COL4A6: variants seen among roughly 807,000 people sequenced by gnomAD.
COL4A6 encodes the protein collagen type IV alpha 6 chain, also known as collagen alpha-6(IV) chain.
A neutral mutation model predicts 126.7 loss-of-function variants in COL4A6; 59 were observed. That is an observed-to-expected ratio of 0.47 (90% CI 0.38 to 0.58). The LOEUF is 0.58. Ranked by LOEUF, COL4A6 falls within the 20% of genes least tolerant of loss-of-function variation. The probability of loss-of-function intolerance (pLI) is 0.00; values close to 1 mark genes in which losing one functional copy is unlikely to be tolerated. For missense variants in COL4A6, 1,285 were observed against 1,337.3 expected (o/e 0.96, Z 0.61); for synonymous variants, 547 against 496.6 (o/e 1.10, Z -1.35).
At chrX:108,205,192 C>T (rs1052161240) in intron 11 of COL4A6, among the ~76,000 whole-genome samples, 1 of 111,208 alleles carries the variant, frequency 9.0e-6, no homozygotes, top group Admixed American at 9.5e-5. Context: ...GTAAGACATA[C>T]ACCTTTCACA....
chrX:108,365,421 G>T (rs2040177863), intron 2 of COL4A6, among the ~76,000 whole-genome samples: 1 of 111,009 alleles, frequency 9.0e-6, no homozygotes. Context: ...GTCCCTTTAG[G>T]GTAGGCACTA....
At chrX:108,237,689 A>G (rs183252295) in intron 3 of COL4A6, among the ~76,000 whole-genome samples, 5 of 111,890 alleles carry the variant, frequency 4.5e-5, no homozygotes, top group Admixed American at 2.8e-4. Context: ...ATAAAATGTC[A>G]TCATTAGTCC....
At chrX:108,402,993 A>AT (rs1186824975) in intron 2 of COL4A6, among the ~76,000 whole-genome samples, 1 of 111,524 alleles carries the variant, frequency 9.0e-6, no homozygotes, top group Non-Finnish European at 1.9e-5. Context: ...ATCTTTGCTA[A>AT]TTTTTTATCT....
chrX:108,278,890 C>G (rs1456699909), intron 3 of COL4A6, among the ~76,000 whole-genome samples: 1 of 111,051 alleles, frequency 9.0e-6, no homozygotes, highest in African/African-American at 3.3e-5. Flanking sequence ...TCCAGCCAAA[C>G]TAAGCTTCAT....
intron 24 of COL4A6, 98 bp from the exon 25 acceptor site, chrX:108,180,720 T>A: frequency 1.3e-6 from 1 of 784,809 alleles, no homozygotes; most frequent in African/African-American, 2.1e-5. Context: ...TTGGAGAGCC[T>A]CTCCTTGTCT....
chrX:108,349,827 A>G (rs2039798102), intron 2 of COL4A6, among the ~76,000 whole-genome samples: 1 of 111,927 alleles, frequency 8.9e-6, no homozygotes, highest in Non-Finnish European at 1.9e-5. Flanking sequence ...AGATAATAGA[A>G]GGGATATGGG....
intron 2 of COL4A6, among the ~76,000 whole-genome samples, chrX:108,378,723 G>A (rs1282970103): frequency 1.8e-5 from 2 of 113,011 alleles, no homozygotes; most frequent in Non-Finnish European, 3.7e-5. Flanking sequence ...AGATGTAAAG[G>A]ATTCCATGGA....
intron 37 of COL4A6, among the ~76,000 whole-genome samples, chrX:108,166,150 C>A (rs1301153106): frequency 8.9e-6 from 1 of 112,706 alleles, no homozygotes; most frequent in African/African-American, 3.2e-5. Flanking sequence ...CCACTTATTA[C>A]AATAGATACA....
At chrX:108,273,964 T>C (rs1484460873) in intron 3 of COL4A6, among the ~76,000 whole-genome samples, 1 of 112,457 alleles carries the variant, frequency 8.9e-6, no homozygotes, top group Non-Finnish European at 1.9e-5. Context: ...TAGTTTTCTA[T>C]GGCTGTGTAA....
At chrX:108,307,660 A>G (rs972212290) in intron 3 of COL4A6, among the ~76,000 whole-genome samples, 1 of 112,100 alleles carries the variant, frequency 8.9e-6, no homozygotes, top group African/African-American at 3.2e-5. Flanking sequence ...GGGTGACCCA[A>G]TGTTCCGTTG....
At chrX:108,338,776 T>C (rs987242551) in intron 2 of COL4A6, among the ~76,000 whole-genome samples, 2 of 112,302 alleles carry the variant, frequency 1.8e-5, no homozygotes, top group Admixed American at 1.9e-4. Context: ...GAATTGGTTA[T>C]ACCTTTGTAA....
At chrX:108,215,740 C>G (rs55964465) in intron 5 of COL4A6, among the ~76,000 whole-genome samples, 4,474 of 111,259 alleles carry the variant, frequency 0.04, 192 homozygotes, top group African/African-American at 0.12. Flanking sequence ...TTTCATGGTT[C>G]CAGATCTCAG....
At chrX:108,203,505 A>G (rs1293646451) in intron 12 of COL4A6, among the ~76,000 whole-genome samples, 1 of 112,447 alleles carries the variant, frequency 8.9e-6, no homozygotes, top group Non-Finnish European at 1.9e-5. Context: ...GACCATTCCC[A>G]AATCAACGAC....
At chrX:108,361,748 C>T (rs1603162495) in intron 2 of COL4A6, among the ~76,000 whole-genome samples, 1 of 111,897 alleles carries the variant, frequency 8.9e-6, no homozygotes, top group East Asian at 2.8e-4. Context: ...ATCACCACAG[C>T]TTCTGAGGCC....
intron 23 of COL4A6, 63 bp downstream of exon 23, chrX:108,187,033 G>T: frequency 1.0e-6 from 1 of 960,681 alleles, no homozygotes; most frequent in Non-Finnish European, 1.4e-6. Flanking sequence ...ATGCACCTGA[G>T]TCATAACCAC....
intron 30 of COL4A6, 101 bp downstream of exon 30, chrX:108,174,989 G>A (rs2034433399): frequency 9.8e-6 from 10 of 1,023,528 alleles, no homozygotes; most frequent in South Asian, 2.7e-5. Flanking sequence ...TGAGGTTGGC[G>A]ATGGGGGGCT....
intron 2 of COL4A6, among the ~76,000 whole-genome samples, chrX:108,396,104 A>T (rs2148189944): frequency 9.0e-6 from 1 of 111,726 alleles, no homozygotes; most frequent in African/African-American, 3.2e-5. Context: ...AAATAAAAAT[A>T]AGTTATTAAA....
At chrX:108,347,200 A>T (rs1405329047) in intron 2 of COL4A6, among the ~76,000 whole-genome samples, 3 of 111,569 alleles carry the variant, frequency 2.7e-5, no homozygotes, top group Non-Finnish European at 5.6e-5. Flanking sequence ...CTCACACACC[A>T]CCCACTTACA....
intron 5 of COL4A6, among the ~76,000 whole-genome samples, chrX:108,216,713 T>C (rs752095693): frequency 8.9e-6 from 1 of 112,984 alleles, no homozygotes; most frequent in East Asian, 2.8e-4. Context: ...CTCAAGGGAC[T>C]GAGCACATGG....
Sources: gnomAD v4.1 joint callset for allele counts (sites outside exome capture counted in the v4.1 genomes callset) on GRCh38, gnomAD v4.1.1 for gene constraint, MANE v1.5 for transcripts, NCBI Gene and HGNC (gene_info 2026-07-23, HGNC 2026-07-21) for gene names.